Variants in CDC14A observed in about 807,000 individuals in gnomAD.
The protein encoded by CDC14A is dual specificity protein phosphatase CDC14A.
Under a neutral mutation model 74.4 loss-of-function variants are expected in CDC14A, and 53 were observed. That is an observed-to-expected ratio of 0.71 (90% CI 0.57 to 0.89). The LOEUF is 0.89. CDC14A is among the 40% of genes least tolerant of loss of function. The pLI, the probability that CDC14A is intolerant of heterozygous loss-of-function variation, is 0.00. For synonymous variants in CDC14A, 247 were observed against 258.4 expected (o/e 0.96, Z 0.43); for missense variants, 646 against 713.7 (o/e 0.91, Z 1.08).
chr1:100,432,739 G>A (rs1557754427), intron 5 of CDC14A, among the ~76,000 whole-genome samples: 1 of 152,058 alleles, frequency 6.6e-6, no homozygotes. Context: ...TTTCTTGTTA[G>A]TTTATTTTAA....
intron 5 of CDC14A, among the ~76,000 whole-genome samples, chr1:100,438,253 T>C (rs1664560593): frequency 6.6e-6 from 1 of 152,122 alleles, no homozygotes; most frequent in Non-Finnish European, 1.5e-5. Flanking sequence ...TGTATTTTAG[T>C]ATATTTAAAA....
chr1:100,477,265 G>C (rs529719076), intron 10 of CDC14A, among the ~76,000 whole-genome samples: 11 of 152,120 alleles, frequency 7.2e-5, no homozygotes, highest in African/African-American at 2.7e-4. Context: ...CATCTGCTTT[G>C]TATAGATAGC....
At chr1:100,489,306 T>A (rs1670378182) in intron 11 of CDC14A, among the ~76,000 whole-genome samples, 1 of 152,198 alleles carries the variant, frequency 6.6e-6, no homozygotes, top group South Asian at 2.1e-4. Flanking sequence ...TTTACTCATT[T>A]CTATTTAAAC....
intron 10 of CDC14A, chr1:100,480,869 G>A (rs1490425526): frequency 6.6e-6 from 1 of 152,152 alleles, no homozygotes; most frequent in Admixed American, 6.6e-5. Context: ...ATCTTTTGGA[G>A]AATTCCCTTC....
intron 8 of CDC14A, among the ~76,000 whole-genome samples, chr1:100,460,417 A>G (rs374060074): frequency 6.6e-6 from 1 of 152,292 alleles, no homozygotes; most frequent in African/African-American, 2.4e-5. Flanking sequence ...ACCAATTGCT[A>G]ACACAACGTG....
intron 2 of CDC14A, among the ~76,000 whole-genome samples, chr1:100,358,817 T>C (rs940639926): frequency 6.6e-6 from 1 of 152,216 alleles, no homozygotes; most frequent in Non-Finnish European, 1.5e-5. Context: ...AATGTGAACA[T>C]AGAATATTTA....
At position 100,484,870 on chromosome 1, in the gene CDC14A, C is replaced by CT. The variant is rs141366089; in HGVS notation, c.1137+425dup. ...CCAACTTGAAAACATGATTAGGGCA[C>CT]TTTTTTAAAAAAAAATTAAGGCTCT... On this transcript the variant is annotated intron_variant, in intron 11 of 15. Coordinates refer to ENST00000336454, the MANE Select transcript of CDC14A (RefSeq NM_003672.4). 0.012 allele frequency: 12,055 copies of CT among 981,858 alleles called. 1,034 individuals carry two copies. In the African/African-American group the frequency reaches 0.19, roughly 15 times the overall value. 60.8% of individuals were successfully genotyped at this position (981,858 alleles called of 1,614,324 possible).
chr1:100,502,347 A>G (rs921341128), intron 15 of CDC14A, among the ~76,000 whole-genome samples: 1 of 152,108 alleles, frequency 6.6e-6, no homozygotes, highest in African/African-American at 2.4e-5. Context: ...TCTATTTTCT[A>G]TGTTTAGGTA....
chr1:100,352,358 A>G, upstream of CDC14A: 1 of 604,186 alleles, frequency 1.7e-6, no homozygotes, highest in Non-Finnish European at 2.1e-6. Context: ...CGGAGAAAGG[A>G]GCGGGGCTGT....
At chr1:100,405,815 T>C (rs1659867588) in intron 4 of CDC14A, among the ~76,000 whole-genome samples, 1 of 152,240 alleles carries the variant, frequency 6.6e-6, no homozygotes, top group Non-Finnish European at 1.5e-5. Context: ...GTCTTTGCTA[T>C]TGTGAATAGT....
At chr1:100,429,269 A>G (rs573609398) in intron 5 of CDC14A, among the ~76,000 whole-genome samples, 1 of 145,252 alleles carries the variant, frequency 6.9e-6, no homozygotes, top group South Asian at 2.2e-4. Context: ...TAAACAGGGA[A>G]TAAAATTATG....
chr1:100,514,780 G>C (rs980050331), intron 15 of CDC14A, among the ~76,000 whole-genome samples: 1 of 152,198 alleles, frequency 6.6e-6, no homozygotes, highest in Admixed American at 6.5e-5. Flanking sequence ...ATCTAGTTCA[G>C]AATAATTGAT....
Position 100,352,812 on chromosome 1 carries a change from C to T in CDC14A, c.-143C>T, listed in dbSNP as rs1651260101. On this transcript the variant is annotated 5_prime_UTR_variant, in exon 1 of 16. Transcript: ENST00000336454. ...GCGCTGACCCCGAAGCCGCCTCCGCCTTCGGCGCCTGCTGCCTCCCTCGGC... is the reference window on the plus strand; with the variant it reads ...GCGCTGACCCCGAAGCCGCCTCCGCTTTCGGCGCCTGCTGCCTCCCTCGGC... 12 of 1,464,744 alleles carry T rather than the reference C, an allele frequency of 8.2e-6. No individual in the cohort carries two copies. Among genetic ancestry groups the T allele is most frequent in the African/African-American group, 2.9e-5 (2 of 69,286 alleles). The allele number at this position is 1,464,744 out of a possible 1,614,324, so 90.7% of individuals were successfully genotyped here.
chr1:100,443,632 GC>G (rs1665207376), intron 7 of CDC14A, among the ~76,000 whole-genome samples: 1 of 152,068 alleles, frequency 6.6e-6, no homozygotes, highest in Non-Finnish European at 1.5e-5. Context: ...ACCATGCCAA[GC>G]CCCCTTATAA....
chr1:100,427,813 G>C (rs1185847940), intron 5 of CDC14A, among the ~76,000 whole-genome samples: 1 of 152,164 alleles, frequency 6.6e-6, no homozygotes, highest in Non-Finnish European at 1.5e-5. Context: ...ACATGTATAG[G>C]TGTGTAAAAC....
chr1:100,483,208 A>G (rs183852430), intron 10 of CDC14A, among the ~76,000 whole-genome samples: 3 of 152,146 alleles, frequency 2.0e-5, no homozygotes, highest in African/African-American at 7.2e-5. Flanking sequence ...ACTCCCACCA[A>G]CAGTGTATAA....
At chr1:100,494,227 T>C (rs1006025536) in intron 11 of CDC14A, among the ~76,000 whole-genome samples, 6 of 152,180 alleles carry the variant, frequency 3.9e-5, no homozygotes, top group African/African-American at 1.4e-4. Context: ...AGACTAGCAT[T>C]TGAAGAGACT....
chr1:100,497,296 A>C (rs1395928945), intron 13 of CDC14A, among the ~76,000 whole-genome samples: 1 of 152,202 alleles, frequency 6.6e-6, no homozygotes, highest in Non-Finnish European at 1.5e-5. Context: ...GCAGGGAAAT[A>C]GTCTGTGCAA....
At position 100,393,813 on chromosome 1, in the gene CDC14A, C is replaced by T. The variant is rs980444705; in HGVS notation, c.309+2989C>T. ...CAAAAATTAGCTGGGCGTGGTGATG[C>T]GAGCCTGTAGTCCCAGCTACTCGGG... On this transcript the variant is annotated intron_variant, in intron 4 of 15. Transcript: ENST00000336454. Among the ~76,000 whole-genome samples the T allele has an allele frequency of 1.3e-4, 20 of 151,900 alleles. 1 individual carries two copies. The highest frequency in any genetic ancestry group is 7.2e-4 in the Admixed American group (11 of 15,258).
Sources: allele counts gnomAD v4.1 joint callset (sites outside exome capture counted in the v4.1 genomes callset), GRCh38; gene constraint gnomAD v4.1.1; transcripts MANE v1.5; gene names NCBI Gene and HGNC (gene_info 2026-07-23, HGNC 2026-07-21).